Variants in C1orf35 observed in about 807,000 individuals in gnomAD.
The protein encoded by C1orf35 is chromosome 1 open reading frame 35.
A neutral mutation model predicts 30.9 loss-of-function variants in C1orf35; 36 were observed. That is an observed-to-expected ratio of 1.16 (90% confidence interval 0.89 to 1.54). The LOEUF is 1.54. C1orf35 is among the 40% of genes most tolerant of loss of function. C1orf35 has a pLI of 0.00. For missense variants in C1orf35, 396 were observed against 358.7 expected (o/e 1.10, Z -0.84); for synonymous variants, 179 against 148.2 (o/e 1.21, Z -1.51).
At chr1:228,102,045 C>G in intron 6 of C1orf35, 35 bp downstream of exon 6, 1 of 1,509,952 alleles carries the variant, frequency 6.6e-7, no homozygotes, top group African/African-American at 1.4e-5. Flanking sequence ...ACCCCCCACC[C>G]CGGGGCACAG....
In C1orf35 at chr1:228,102,673, C is replaced by T; in HGVS notation, c.261G>A (p.Val87=). ...TGCTCAGGCCCGTGGGCTGCTTCTT[C>T]ACGTTCTTGTAGCCACTGCGAGAGG... ...ALLAALGYKN[V]KKQPTGLSKE... is the part of the protein sequence containing the mutation. Residue 87 remains valine (V), a synonymous_variant, in exon 3 of 8, where the codon GTG becomes GTA. Coordinates refer to ENST00000272139, the MANE Select transcript of C1orf35 (RefSeq NM_024319.4). 1.2e-6 allele frequency: 2 copies of T among 1,609,158 alleles called. No homozygotes were observed. Among genetic ancestry groups the T allele is most frequent in the Non-Finnish European group, 1.7e-6 (2 of 1,178,766 alleles).
In C1orf35 at chr1:228,102,176, A is replaced by G. The variant is rs761151810; in HGVS notation, c.448-11T>C. On this transcript the variant is annotated splice_polypyrimidine_tract_variant and intron_variant, in intron 5 of 7. Transcript: ENST00000272139. The stretch of plus-strand genomic sequence containing the variant: ...CTCTACGCGGTGATGCTGCGGGAGA[A>G]GCGAGCTCTGCGGAGGAGTCTGCGG... 5 of 1,576,652 alleles carry G rather than the reference A, an allele frequency of 3.2e-6. No individual in the cohort carries two copies. Among genetic ancestry groups the G allele is most frequent in the East Asian group, 4.6e-5 (2 of 43,690 alleles).
At chr1:228,102,617 A>G in intron 3 of C1orf35, 26 bp downstream of exon 3, 1 of 1,588,532 alleles carries the variant, frequency 6.3e-7, no homozygotes, top group Non-Finnish European at 8.5e-7. Context: ...ACGGCCCTCC[A>G]CGCGCCCCCC....
Position 228,101,394 on chromosome 1 carries a change from CTTTCTT to C in C1orf35, c.607_612del (p.Lys203_Lys204del), listed in dbSNP as rs780675906. On this transcript the variant is annotated inframe_deletion, in exon 7 of 8. Transcript: ENST00000272139. Reference sequence around the variant, plus strand: ...TCAGCTGGCCGCCTGTGCTCTTTGTCTTTCTTCTTCTTCTCTTTCTTGTGTTTCCTC... The same window carrying C: ...TCAGCTGGCCGCCTGTGCTCTTTGTCCTTCTTCTCTTTCTTGTGTTTCCTC... 5.0e-6 allele frequency: 8 copies of C among 1,613,902 alleles called. No homozygotes were observed. In the African/African-American group the frequency reaches 6.7e-5, roughly 13 times the overall value.
chr1:228,101,816 A>G (rs2032973026), intron 6 of C1orf35: 13 of 1,408,772 alleles, frequency 9.2e-6, no homozygotes, highest in African/African-American at 1.4e-5. Context: ...CACGGCAGGA[A>G]AAGGCCCCGC....
chr1:228,102,417 G>T (rs923204543), intron 4 of C1orf35, 35 bp from the exon 5 acceptor site: 3 of 1,596,706 alleles, frequency 1.9e-6, no homozygotes, highest in East Asian at 2.3e-5. Context: ...AGTACGGCAG[G>T]GGTCCGCCTC....
chr1:228,102,282 G>A (rs761205135), intron 5 of C1orf35, 28 bp downstream of exon 5: 3 of 1,607,708 alleles, frequency 1.9e-6, no homozygotes, highest in South Asian at 1.1e-5. Context: ...GTTAGCCCCT[G>A]CTGCGGTCAG....
chr1:228,102,018 G>T, intron 6 of C1orf35, 62 bp downstream of exon 6: 2 of 1,453,304 alleles, frequency 1.4e-6, no homozygotes, highest in African/African-American at 1.4e-5. Context: ...AGTGGGAGCC[G>T]CTCCGGTCCT....
chr1:228,102,829 C>T, intron 2 of C1orf35, 70 bp downstream of exon 2: 4 of 1,395,664 alleles, frequency 2.9e-6, no homozygotes, highest in Non-Finnish European at 3.7e-6. Flanking sequence ...CCCCAGTCCC[C>T]GGCCCCGGCC....
intron 6 of C1orf35, 90 bp downstream of exon 6, chr1:228,101,990 G>T: frequency 1.4e-6 from 2 of 1,431,608 alleles, no homozygotes; most frequent in African/African-American, 2.9e-5. Context: ...TGCGCCAAGA[G>T]AAGCTGCCAC....
At position 228,102,100 on chromosome 1, in the gene C1orf35, C is replaced by T. The variant is rs1432709927; in HGVS notation, c.513G>A (p.Ala171=). 6.3e-7 allele frequency: 1 copy of T among 1,583,904 alleles called. No individual in the cohort carries two copies. Among genetic ancestry groups the T allele is most frequent in the African/African-American group, 1.3e-5 (1 of 74,700 alleles). The change falls in exon 6 of 8, where the codon GCG becomes GCA. Residue 171 remains alanine (A), a synonymous_variant. Coordinates refer to ENST00000272139, the MANE Select transcript of C1orf35 (RefSeq NM_024319.4). ...SAASARRKPR[A]EDQTESSCES... is the part of the protein sequence containing the mutation. ...CTCACCTGCTTTCCGTCTGATCCTC[C>T]GCCCGCGGCTTCCTCCTGGCCGAGG... is the stretch of plus-strand genomic sequence containing the variant.
At position 228,101,423 on chromosome 1, in the gene C1orf35, C is replaced by CTCTTTT. The variant is rs745406016; in HGVS notation, c.578_583dup (p.Lys193_Lys194dup). ...CTTCTTCTTCTCTTTCTTGTGTTTC[C>CTCTTTT]TCTTTTTCTTTTTCTTCTTCTCCTT... is the stretch of plus-strand genomic sequence containing the variant. On this transcript the variant is annotated inframe_insertion, in exon 7 of 8. Transcript: ENST00000272139. The CTCTTTT allele has an allele frequency of 2.5e-6, 4 of 1,613,706 alleles. No homozygotes were observed. Among genetic ancestry groups the CTCTTTT allele is most frequent in the African/African-American group, 1.3e-5 (1 of 74,906 alleles).
At chr1:228,101,981 G>A (rs886251826) in intron 6 of C1orf35, 99 bp downstream of exon 6, 5 of 1,429,168 alleles carry the variant, frequency 3.5e-6, no homozygotes, top group Non-Finnish European at 4.6e-6. Context: ...CCGGGCCGGT[G>A]CGCCAAGAGA....
Position 228,101,462 on chromosome 1 carries a change from T to C in C1orf35, c.545A>G (p.His182Arg). Residue 182 changes from histidine to arginine, a missense_variant, in exon 7 of 8, where the codon CAC (histidine) becomes CGC (arginine). By Grantham distance (29) the His-to-Arg change is conservative. Coordinates refer to ENST00000272139, the MANE Select transcript of C1orf35 (RefSeq NM_024319.4). ...EDQTESSCES[H>R]RKSKKEKKKK... ...CTTCTTCTCCTTCTTGCTTTTCCTG[T>C]GGCTCTCACAACTACAAGGAGGATA... 1 of 1,612,728 alleles carries C rather than the reference T, an allele frequency of 6.2e-7. No homozygotes were observed. Among genetic ancestry groups the C allele is most frequent in the Non-Finnish European group, 8.5e-7 (1 of 1,179,998 alleles).
rs1338646634 is a variant in C1orf35, at chr1:228,102,122, G to C, written c.491C>G (p.Ser164Trp). 10 of 1,576,086 alleles carry C rather than the reference G, an allele frequency of 6.3e-6. No individual in the cohort carries two copies. The highest frequency in any genetic ancestry group is 7.7e-6 in the Non-Finnish European group (9 of 1,169,218). Reference protein sequence around the residue: ...ESGGPGTSAASARRKPRAEDQ... With the variant: ...ESGGPGTSAAWARRKPRAEDQ... ...CTCCGCCCGCGGCTTCCTCCTGGCC[G>C]AGGCTGCCGAGGTCCCGGGCCCGCC... The change falls in exon 6 of 8, where the codon TCG (serine) becomes TGG (tryptophan). Residue 164 changes from serine (S) to tryptophan (W), a missense_variant. By Grantham distance (177) the Ser-to-Trp change is radical (BLOSUM62 -3). Coordinates refer to ENST00000272139, the MANE Select transcript of C1orf35 (RefSeq NM_024319.4).
intron 6 of C1orf35, chr1:228,101,848 C>G (rs2032973672): frequency 2.1e-6 from 3 of 1,415,476 alleles, no homozygotes; most frequent in Non-Finnish European, 2.8e-6. Flanking sequence ...AGTGCCCTCC[C>G]ACGGCACAGC....
Position 228,100,809 on chromosome 1 carries a change from A to G in C1orf35, c.*322T>C. 2.7e-6 allele frequency: 1 copy of G among 367,106 alleles called. No individual in the cohort carries two copies. Among genetic ancestry groups the G allele is most frequent in the South Asian group, 4.6e-5 (1 of 21,748 alleles). The allele number at this position is 367,106 out of a possible 1,614,324, so 22.7% of individuals were successfully genotyped here. A position where few individuals can be genotyped will look rare whatever the true frequency, so the allele number is the denominator to read the frequency against. On this transcript the variant is annotated 3_prime_UTR_variant, in exon 8 of 8. Transcript: ENST00000272139. ...GAGGTCACCATACTTGGCCACAGTT[A>G]GACCGCTCATAGGCCCATGGCTGCT...
chr1:228,102,336 C>T lies in C1orf35; in HGVS notation c.421G>A (p.Ala141Thr). 1 of 1,611,436 alleles carries T rather than the reference C, an allele frequency of 6.2e-7. No individual in the cohort carries two copies. Among genetic ancestry groups the T allele is most frequent in the Non-Finnish European group, 8.5e-7 (1 of 1,179,674 alleles). ...VAMSREDKEA[A>T]KLGLSVFTHH... ...GTGAACACAGACAGCCCCAGTTTGG[C>T]GGCCTCCTTGTCCTCTCGGGACATC... The change falls in exon 5 of 8, where the codon GCC becomes ACC. Residue 141 changes from alanine to threonine, a missense_variant. By Grantham distance (58) the Ala-to-Thr change is moderately conservative. Transcript: ENST00000272139.
In C1orf35 at chr1:228,103,285, G is replaced by A. The variant is rs2033027110; in HGVS notation, c.-58C>T. ...GCTTGCAACCTGCAACCCGCAACCC[G>A]AGACCCGCTACCCACTACCGTCGGA... On this transcript the variant is annotated 5_prime_UTR_variant, in exon 1 of 8. Coordinates refer to ENST00000272139, the MANE Select transcript of C1orf35 (RefSeq NM_024319.4). The A allele has an allele frequency of 4.4e-6, 7 of 1,580,598 alleles. No homozygotes were observed. Among genetic ancestry groups the A allele is most frequent in the Non-Finnish European group, 6.0e-6 (7 of 1,164,412 alleles).
Sources: allele counts gnomAD v4.1 joint callset, GRCh38; gene constraint gnomAD v4.1.1; transcripts MANE v1.5; gene names NCBI Gene and HGNC (gene_info 2026-07-23, HGNC 2026-07-21).